GALNT2: variants seen among roughly 807,000 people sequenced by gnomAD.
GALNT2 encodes the protein polypeptide N-acetylgalactosaminyltransferase 2, also known as UDP-GalNAc:polypeptide N-acetylgalactosaminyltransferase 2.
GALNT2 carries 31 observed loss-of-function variants against 81.4 expected under a neutral mutation model. The observed-to-expected ratio is 0.38, with a 90% CI of 0.29 to 0.51. GALNT2 has a LOEUF of 0.51. Ranked by LOEUF, GALNT2 falls within the 20% of genes least tolerant of loss-of-function variation. The probability of loss-of-function intolerance (pLI) is 0.87; values close to 1 mark genes in which losing one functional copy is unlikely to be tolerated. For missense variants in GALNT2, 629 were observed against 765.7 expected (o/e 0.82, Z 2.11); for synonymous variants, 303 against 287.4 (o/e 1.05, Z -0.55).
At chr1:230,161,988 TG>T (rs1662450322) in intron 1 of GALNT2, among the ~76,000 whole-genome samples, 1 of 152,128 alleles carries the variant, frequency 6.6e-6, no homozygotes, top group Non-Finnish European at 1.5e-5. Context: ...TGGAATAATA[TG>T]GGGTATTATT....
upstream of GALNT2, chr1:230,057,877 G>A: frequency 2.8e-6 from 1 of 355,952 alleles, no homozygotes; most frequent in Non-Finnish European, 5.7e-6. Flanking sequence ...ACAGGCAGGA[G>A]GGGTAGGAAA....
At position 230,274,452 on chromosome 1, in the gene GALNT2, C is replaced by A. The variant is rs1336541907; in HGVS notation, c.1448C>A (p.Ala483Asp). 6.2e-6 allele frequency: 10 copies of A among 1,613,264 alleles called. No individual in the cohort carries two copies. The Admixed American group carries it at 1.5e-4, about 24-fold the overall frequency. Reference protein sequence around the residue: ...CHNAGGNQEWALTKEKSVKHM... With the variant: ...CHNAGGNQEWDLTKEKSVKHM... ...TCTGGTTTTGTGTTCCAGGAATGGG[C>A]CTTGACGAAGGAGAAGTCGGTGAAG... Residue 483 changes from alanine (A) to aspartate (D), a missense_variant, in exon 15 of 16, where the codon GCC becomes GAC. Physicochemically the swap from Ala to Asp is moderately radical, Grantham distance 126 (BLOSUM62 -2). This residue lies in a region of GALNT2 where 207 missense variants were observed against 225.5 expected (regional missense o/e 0.92). Coordinates refer to ENST00000366672, the MANE Select transcript of GALNT2 (RefSeq NM_004481.5).
chr1:230,094,944 G>A (rs1056944774), intron 1 of GALNT2, among the ~76,000 whole-genome samples: 1 of 152,154 alleles, frequency 6.6e-6, no homozygotes, highest in Non-Finnish European at 1.5e-5. Flanking sequence ...TGAGGGTGAG[G>A]ATTAATTGGA....
intron 1 of GALNT2, among the ~76,000 whole-genome samples, chr1:230,121,967 T>C (rs919706415): frequency 4.0e-4 from 50 of 126,370 alleles, no homozygotes; most frequent in African/African-American, 1.1e-3. Flanking sequence ...TTTTTTTTTT[T>C]CAAGGGACAG....
chr1:230,219,574 C>A (rs1466913432), intron 3 of GALNT2, among the ~76,000 whole-genome samples: 4 of 152,058 alleles, frequency 2.6e-5, no homozygotes, highest in Admixed American at 6.5e-5. Context: ...CATGCCCCTC[C>A]CACACAAGAA....
At chr1:230,093,767 CATACAGTATTCA>C (rs1463171575) in intron 1 of GALNT2, among the ~76,000 whole-genome samples, 1 of 152,180 alleles carries the variant, frequency 6.6e-6, no homozygotes, top group Non-Finnish European at 1.5e-5. Flanking sequence ...GTTATAGTTG[CATACAGTATTCA>C]GTACAGTAAC....
intron 11 of GALNT2, among the ~76,000 whole-genome samples, chr1:230,256,086 TC>T (rs541829473): frequency 1.3e-5 from 2 of 151,674 alleles, no homozygotes; most frequent in Non-Finnish European, 2.9e-5. Flanking sequence ...ATAGCATCAA[TC>T]CCCCCCATGA....
Position 230,279,185 on chromosome 1 carries a change from G to T in GALNT2, c.1561-118G>T. ...CCTCGGCCGTTCAGATGAGAGGCTG[G>T]GAAAAACGTGTCTATCTGTGAGTTT... On this transcript the variant is annotated intron_variant, in intron 15 of 15. Coordinates refer to ENST00000366672, the MANE Select transcript of GALNT2 (RefSeq NM_004481.5). The surrounding 1 kb of genome is among the most constrained non-coding windows in gnomAD (Gnocchi z 4.6). The T allele has an allele frequency of 8.8e-7, 1 of 1,132,902 alleles. No homozygotes were observed. Among genetic ancestry groups the T allele is most frequent in the Non-Finnish European group, 1.2e-6 (1 of 810,788 alleles). The allele number at this position is 1,132,902 out of a possible 1,614,324, so 70.2% of individuals were successfully genotyped here.
At chr1:230,198,012 G>T (rs185268834) in intron 2 of GALNT2, among the ~76,000 whole-genome samples, 1 of 152,198 alleles carries the variant, frequency 6.6e-6, no homozygotes, top group African/African-American at 2.4e-5. Flanking sequence ...GTAAGCGTCC[G>T]GCGCAAGACC....
At chr1:230,118,687 T>G (rs6541284) in intron 1 of GALNT2, among the ~76,000 whole-genome samples, 139,954 of 151,924 alleles carry the variant, frequency 0.92, 64,626 homozygotes, top group East Asian at 1. Context: ...GGACTGGCTG[T>G]CGGTTCTTCC....
At chr1:230,100,160 G>A (rs919099472) in intron 1 of GALNT2, among the ~76,000 whole-genome samples, 3 of 152,142 alleles carry the variant, frequency 2.0e-5, no homozygotes, top group Admixed American at 6.5e-5. Flanking sequence ...ACTCCAGGTA[G>A]CTTGCTTAAA....
intron 1 of GALNT2, among the ~76,000 whole-genome samples, chr1:230,108,876 A>T (rs1345055843): frequency 6.6e-6 from 1 of 152,210 alleles, no homozygotes; most frequent in Non-Finnish European, 1.5e-5. Context: ...ATAAGAGCAG[A>T]ATTCCAGATT....
At chr1:230,131,826 C>T (rs1661377938) in intron 1 of GALNT2, among the ~76,000 whole-genome samples, 1 of 152,174 alleles carries the variant, frequency 6.6e-6, no homozygotes. Flanking sequence ...CTCATAAATG[C>T]AGAATGTTGG....
chr1:230,210,114 G>A (rs946806037), intron 3 of GALNT2, among the ~76,000 whole-genome samples: 23 of 152,128 alleles, frequency 1.5e-4, no homozygotes, highest in East Asian at 5.8e-4. Context: ...GAGCGTTTCC[G>A]GGATCCAAAC....
At chr1:230,130,145 A>C (rs778415254) in intron 1 of GALNT2, among the ~76,000 whole-genome samples, 3 of 152,190 alleles carry the variant, frequency 2.0e-5, no homozygotes, top group Non-Finnish European at 4.4e-5. Context: ...TACCTCTTGC[A>C]CATGAAAATC....
intron 2 of GALNT2, among the ~76,000 whole-genome samples, chr1:230,198,689 T>C (rs563836199): frequency 5.5e-4 from 84 of 152,344 alleles, no homozygotes; most frequent in African/African-American, 1.8e-3. Flanking sequence ...TGACTTGTTC[T>C]GTCTGCGGAA....
chr1:230,216,087 G>A (rs1664383028), intron 3 of GALNT2, among the ~76,000 whole-genome samples: 1 of 152,164 alleles, frequency 6.6e-6, no homozygotes, highest in Non-Finnish European at 1.5e-5. Context: ...AATTAGACCA[G>A]GAAAAATGGA....
intron 1 of GALNT2, among the ~76,000 whole-genome samples, chr1:230,148,505 T>G (rs982369706): frequency 3.3e-5 from 5 of 152,254 alleles, no homozygotes; most frequent in Non-Finnish European, 7.3e-5. Flanking sequence ...ACGCCTTGCT[T>G]CTAGCGGTCC....
rs993996211 is a variant in GALNT2, at chr1:230,271,387, T to A, written c.1441-3058T>A. ...ACCTCTGACACCAGCCCTGTGGGCT[T>A]TTCCCCCCACACCAAGCAATTCTCC... On this transcript the variant is annotated intron_variant, in intron 14 of 15. Coordinates refer to ENST00000366672, the MANE Select transcript of GALNT2 (RefSeq NM_004481.5). The surrounding 1 kb of genome is among the most constrained non-coding windows in gnomAD (Gnocchi z 4.2). 1.3e-5 allele frequency among the ~76,000 whole-genome samples: 2 copies of A among 152,296 alleles called. No individual in the cohort carries two copies. The highest frequency in any genetic ancestry group is 3.9e-4 in the East Asian group (2 of 5,174).
Sources: gnomAD v4.1 joint callset for allele counts (sites outside exome capture counted in the v4.1 genomes callset) on GRCh38, gnomAD v4.1.1 for gene constraint, gnomAD v4.1.1 regional missense constraint, Gnocchi (gnomAD v3.1) non-coding constraint, MANE v1.5 for transcripts, NCBI Gene and HGNC (gene_info 2026-07-23, HGNC 2026-07-21) for gene names.